PPFIA3: variants seen among roughly 807,000 people sequenced by gnomAD.
PPFIA3 encodes the protein PPFI scaffold protein A3.
A neutral mutation model predicts 145.8 loss-of-function variants in PPFIA3; 26 were observed. The observed-to-expected ratio is 0.18, with a 90% CI of 0.13 to 0.25. The LOEUF (loss-of-function observed/expected upper bound fraction) is 0.25, where lower values mean the gene tolerates loss of function less well. Ranked by LOEUF, PPFIA3 falls within the 10% of genes least tolerant of loss-of-function variation. The probability of loss-of-function intolerance (pLI) is 1.00; values close to 1 mark genes in which losing one functional copy is unlikely to be tolerated. For synonymous variants in PPFIA3, 645 were observed against 661.4 expected, an observed-to-expected ratio of 0.98 and a Z score of 0.38; for missense variants, 1,008 against 1,587.8, an observed-to-expected ratio of 0.63 and a Z score of 6.21.
At chr19:49,142,698 C>T in intron 20 of PPFIA3, 106 bp from the exon 21 acceptor site, 1 of 961,794 alleles carries the variant, frequency 1.0e-6, no homozygotes. Flanking sequence ...GTCTCTGTTT[C>T]GCTCCCCACC....
In PPFIA3 at chr19:49,150,142, A is replaced by G. The variant is rs1342993450; in HGVS notation, c.*4A>G. 2 of 1,608,278 alleles carry G rather than the reference A, an allele frequency of 1.2e-6. No homozygotes were observed. On this transcript the variant is annotated 3_prime_UTR_variant, in exon 29 of 30. Coordinates refer to ENST00000334186, the MANE Select transcript of PPFIA3 (RefSeq NM_003660.4). ...GGTCCGGACCTATTCCTGCTAGTGC[A>G]GGCCTCCAGGTGAGGACCGTGCTGG...
At chr19:49,142,540 TC>T (rs2041235587) in intron 20 of PPFIA3, among the ~76,000 whole-genome samples, 1 of 148,122 alleles carries the variant, frequency 6.8e-6, no homozygotes, top group African/African-American at 2.5e-5. Flanking sequence ...TTTCTTTCTC[TC>T]TCTCTCTCTT....
At position 49,128,437 on chromosome 19, in the gene PPFIA3, C is replaced by T; in HGVS notation, c.311C>T (p.Ala104Val). The change falls in exon 3 of 30, where the codon GCA becomes GTA. Residue 104 changes from alanine to valine, a missense_variant. This residue lies in a region of PPFIA3 where 108 missense variants were observed against 144.3 expected (regional missense o/e 0.75). Transcript: ENST00000334186. The surrounding 1 kb of genome is among the most constrained non-coding windows in gnomAD (Gnocchi z 4.1). ...CTGCTGGAGAGGGAGGAAGAGATTG[C>T]AGAGCTGAAGGCGGAACGGAACAAC... ...EQLLEREEEI[A>V]ELKAERNNTR... 6.2e-7 allele frequency: 1 copy of T among 1,607,404 alleles called. No homozygotes were observed. Among genetic ancestry groups the T allele is most frequent in the Non-Finnish European group, 8.5e-7 (1 of 1,178,964 alleles).
chr19:49,129,163 TG>T, intron 4 of PPFIA3, 151 bp downstream of exon 4: 3 of 1,029,178 alleles, frequency 2.9e-6, no homozygotes, highest in East Asian at 5.2e-5. Flanking sequence ...ATACATAGAC[TG>T]GGACCTGACT....
intron 23 of PPFIA3, 150 bp downstream of exon 23, chr19:49,146,342 A>G: frequency 6.0e-6 from 6 of 1,002,374 alleles, no homozygotes; most frequent in Non-Finnish European, 5.8e-6. Context: ...GGACTGTTCC[A>G]TTATGGCTTG....
rs2041062473 is a variant in PPFIA3, at chr19:49,130,982, C to T, written c.879+383C>T. Among the ~76,000 whole-genome samples the T allele has an allele frequency of 6.6e-6, 1 of 150,706 alleles. No individual in the cohort carries two copies. ...GTTCAAGAGATTCTCCTGCCTCAGC[C>T]TCCCAAGTAGCTAGAACTACAGGCA... On this transcript the variant is annotated intron_variant, in intron 7 of 29. Coordinates refer to ENST00000334186, the MANE Select transcript of PPFIA3 (RefSeq NM_003660.4). The surrounding 1 kb of genome is among the most constrained non-coding windows in gnomAD (Gnocchi z 4.5).
Position 49,143,149 on chromosome 19 carries a change from C to T in PPFIA3, c.2745+145C>T. The T allele has an allele frequency of 7.4e-6, 7 of 950,978 alleles. No homozygotes were observed. In the South Asian group the frequency reaches 1.1e-4, roughly 15 times the overall value. 58.9% of individuals were successfully genotyped at this position (950,978 alleles called of 1,614,324 possible). A position where few individuals can be genotyped will look rare whatever the true frequency, so the allele number is the denominator to read the frequency against. On this transcript the variant is annotated intron_variant, in intron 21 of 29. Transcript: ENST00000334186. ...TTTACCCCCCTCAGCCTCCCCTCCA[C>T]TCCTAACTTGGCCTGTGGTCCGTCC...
intron 7 of PPFIA3, among the ~76,000 whole-genome samples, chr19:49,131,661 T>G (rs1453012234): frequency 2.0e-5 from 3 of 150,468 alleles, no homozygotes; most frequent in African/African-American, 7.3e-5. Context: ...CCGTCACTAC[T>G]TAAAAAAAAA....
chr19:49,144,755 G>A (rs2041261486), intron 21 of PPFIA3, among the ~76,000 whole-genome samples: 1 of 151,902 alleles, frequency 6.6e-6, no homozygotes, highest in Non-Finnish European at 1.5e-5. Flanking sequence ...TTGGATTTTG[G>A]ATTTTCAGGT....
intron 17 of PPFIA3, 52 bp from the exon 18 acceptor site, chr19:49,139,909 G>A: frequency 1.2e-6 from 2 of 1,613,450 alleles, no homozygotes; most frequent in South Asian, 2.2e-5. Flanking sequence ...GACTTGGGAG[G>A]AGAGGGGGCA....
chr19:49,148,140 C>G lies in PPFIA3; in HGVS notation c.2893C>G (p.Leu965Val). The G allele has an allele frequency of 6.2e-7, 1 of 1,614,218 alleles. No homozygotes were observed. The highest frequency in any genetic ancestry group is 8.5e-7 in the Non-Finnish European group (1 of 1,180,022). Residue 965 changes from leucine to valine, a missense_variant, in exon 24 of 30, where the codon CTG (leucine) becomes GTG (valine). Transcript: ENST00000334186. Reference protein sequence around the residue: ...EWVGNDWLPSLGLPQYRSYFM... With the variant: ...EWVGNDWLPSVGLPQYRSYFM... ...GGTGGGGAACGACTGGCTGCCCAGC[C>G]TGGGGCTGCCCCAATACCGCAGCTA...
Position 49,128,572 on chromosome 19 carries a change from C to A in PPFIA3, c.342+104C>A. Reference sequence around the variant, plus strand: ...TGCAGCGTGACCTATTTTTTTCCCCCATCTCGCCTTTCTGTCTTCTCCTCT... The same window carrying A: ...TGCAGCGTGACCTATTTTTTTCCCCAATCTCGCCTTTCTGTCTTCTCCTCT... On this transcript the variant is annotated intron_variant, in intron 3 of 29. Coordinates refer to ENST00000334186, the MANE Select transcript of PPFIA3 (RefSeq NM_003660.4). This position sits in a 1 kb window ranked among gnomAD's most constrained non-coding sequence, Gnocchi z 4.1. 1 of 1,116,514 alleles carries A rather than the reference C, an allele frequency of 9.0e-7. No homozygotes were observed. The highest frequency in any genetic ancestry group is 1.3e-6 in the Non-Finnish European group (1 of 764,696). The allele number at this position is 1,116,514 out of a possible 1,614,324, so 69.2% of individuals were successfully genotyped here.
At chr19:49,139,588 T>G in intron 16 of PPFIA3, 80 bp from the exon 17 acceptor site, 3 of 1,456,390 alleles carry the variant, frequency 2.1e-6, no homozygotes, top group Non-Finnish European at 2.8e-6. Context: ...CACACACACC[T>G]TAGTAGACAT....
intron 24 of PPFIA3, 25 bp downstream of exon 24, chr19:49,148,283 A>G: frequency 6.2e-7 from 1 of 1,608,226 alleles, no homozygotes; most frequent in Non-Finnish European, 8.5e-7. Flanking sequence ...GCCAGTGGGG[A>G]CAGTCCAAAG....
chr19:49,129,304 G>A (rs2041040455), intron 4 of PPFIA3, 76 bp from the exon 5 acceptor site: 1 of 1,458,522 alleles, frequency 6.9e-7, no homozygotes, highest in South Asian at 1.3e-5. Context: ...CCGTCCCAGG[G>A]GTGTTCTGGA....
chr19:49,128,815 T>C lies in PPFIA3; in HGVS notation c.343-33T>C. On this transcript the variant is annotated intron_variant, in intron 3 of 29. Coordinates refer to ENST00000334186, the MANE Select transcript of PPFIA3 (RefSeq NM_003660.4). This position sits in a 1 kb window ranked among gnomAD's most constrained non-coding sequence, Gnocchi z 4.1. Reference sequence around the variant, plus strand: ...TCACATCTGCCCCTTTTCCCTTGCCTCTTTTCCTTGACCCCATGCCGTGTG... The same window carrying C: ...TCACATCTGCCCCTTTTCCCTTGCCCCTTTTCCTTGACCCCATGCCGTGTG... The C allele has an allele frequency of 6.4e-7, 1 of 1,552,966 alleles. No individual in the cohort carries two copies.
At position 49,130,607 on chromosome 19, in the gene PPFIA3, C is replaced by A. The variant is rs978307902; in HGVS notation, c.879+8C>A. The A allele has an allele frequency of 5.8e-6, 9 of 1,548,990 alleles. No homozygotes were observed. Among genetic ancestry groups the A allele is most frequent in the Non-Finnish European group, 7.8e-6 (9 of 1,146,828 alleles). On this transcript the variant is annotated splice_region_variant and intron_variant, in intron 7 of 29. Coordinates refer to ENST00000334186, the MANE Select transcript of PPFIA3 (RefSeq NM_003660.4). The surrounding 1 kb of genome is among the most constrained non-coding windows in gnomAD (Gnocchi z 4.5). Reference sequence around the variant, plus strand: ...CAGCGCGACCTCAAGGAGGTGAGGCCCCCAGGGAGGCGGGCTGCCCTGGGT... The same window carrying A: ...CAGCGCGACCTCAAGGAGGTGAGGCACCCAGGGAGGCGGGCTGCCCTGGGT...
At position 49,148,694 on chromosome 19, in the gene PPFIA3, C is replaced by A; in HGVS notation, c.3040C>A (p.Leu1014Met). 1 of 1,614,044 alleles carries A rather than the reference C, an allele frequency of 6.2e-7. No homozygotes were observed. The highest frequency in any genetic ancestry group is 8.5e-7 in the Non-Finnish European group (1 of 1,179,934). Residue 1014 changes from leucine (L) to methionine (M), a missense_variant, in exon 25 of 30, where the codon CTG (leucine) becomes ATG (methionine). Leu to Met is a conservative substitution (Grantham distance 15, BLOSUM62 2). Coordinates refer to ENST00000334186, the MANE Select transcript of PPFIA3 (RefSeq NM_003660.4). ...GAGTCTACATTATGGGATTATGTGC[C>A]TGAAACGGCTCAACTATGACCGGAA... ...RVSLHYGIMC[L>M]KRLNYDRKDL...
chr19:49,136,954 C>G (rs1358389777), intron 15 of PPFIA3, 43 bp downstream of exon 15: 1 of 1,449,058 alleles, frequency 6.9e-7, no homozygotes. Flanking sequence ...CCTGCCGGAG[C>G]TGACTCCACA....
Sources: gnomAD v4.1 joint callset for allele counts (sites outside exome capture counted in the v4.1 genomes callset) on GRCh38, gnomAD v4.1.1 for gene constraint, gnomAD v4.1.1 regional missense constraint, Gnocchi (gnomAD v3.1) non-coding constraint, MANE v1.5 for transcripts, NCBI Gene and HGNC (gene_info 2026-07-23, HGNC 2026-07-21) for gene names.